The following GPR158 variants were observed in gnomAD, a reference collection of about 807,000 sequenced individuals.
GPR158 encodes G protein-coupled receptor 158.
In GPR158, 30 loss-of-function variants were observed where a neutral mutation model predicts 78.2. The ratio of observed to expected loss-of-function variants is 0.38; its 90% CI spans 0.29 to 0.52. The LOEUF is 0.52. GPR158 is among the 20% of genes least tolerant of loss of function. The pLI, the probability that GPR158 is intolerant of heterozygous loss-of-function variation, is 0.83. For missense variants in GPR158, 1,463 were observed against 1,523.5 expected (o/e 0.96, Z 0.66); for synonymous variants, 581 against 591.1 (o/e 0.98, Z 0.25).
chr10:25,261,622 C>G (rs1853969297), intron 2 of GPR158, among the ~76,000 whole-genome samples: 1 of 152,114 alleles, frequency 6.6e-6, no homozygotes, highest in Non-Finnish European at 1.5e-5. Flanking sequence ...TGGCTTAGCA[C>G]AGAAAATGAT....
intron 1 of GPR158, among the ~76,000 whole-genome samples, chr10:25,181,818 A>G (rs1188937713): frequency 1.3e-5 from 2 of 152,088 alleles, no homozygotes; most frequent in African/African-American, 2.4e-5. Flanking sequence ...CCCAGGCTCA[A>G]GTGATCCTCC....
At chr10:25,407,614 A>G (rs1026414745) in intron 3 of GPR158, among the ~76,000 whole-genome samples, 7 of 152,052 alleles carry the variant, frequency 4.6e-5, no homozygotes, top group African/African-American at 1.7e-4. Context: ...TTCTTGGTTA[A>G]TGGTAACTTT....
chr10:25,287,726 G>C (rs1005763110), intron 2 of GPR158, among the ~76,000 whole-genome samples: 1 of 151,984 alleles, frequency 6.6e-6, no homozygotes, highest in African/African-American at 2.4e-5. Context: ...TTAGATTTGG[G>C]GTTAGAGGTT....
chr10:25,594,423 T>C, intron 9 of GPR158, 26 bp downstream of exon 9: 1 of 1,020,860 alleles, frequency 9.8e-7, no homozygotes, highest in Non-Finnish European at 1.5e-6. Flanking sequence ...TACTTTTTTT[T>C]TTGCAAAACT....
At chr10:25,423,599 T>G (rs1394631444) in intron 4 of GPR158, among the ~76,000 whole-genome samples, 1 of 152,144 alleles carries the variant, frequency 6.6e-6, no homozygotes, top group Admixed American at 6.5e-5. Context: ...GGTGTTCTCA[T>G]TGTTCAATTC....
chr10:25,269,077 C>T (rs778751861), intron 2 of GPR158, among the ~76,000 whole-genome samples: 2 of 152,082 alleles, frequency 1.3e-5, no homozygotes, highest in Admixed American at 6.6e-5. Context: ...ATTTATATCT[C>T]AATACTCTGG....
intron 6 of GPR158, among the ~76,000 whole-genome samples, chr10:25,558,269 C>T (rs563673071): frequency 6.6e-6 from 1 of 152,202 alleles, no homozygotes; most frequent in Admixed American, 6.5e-5. Flanking sequence ...TATAAAAACC[C>T]ATCTGGTAAT....
At chr10:25,447,078 C>A (rs1835146659) in intron 4 of GPR158, among the ~76,000 whole-genome samples, 1 of 151,980 alleles carries the variant, frequency 6.6e-6, no homozygotes. Flanking sequence ...AATATATTGG[C>A]AATAATTCAC....
intron 2 of GPR158, among the ~76,000 whole-genome samples, chr10:25,357,132 A>C (rs1251363276): frequency 1.3e-5 from 2 of 152,100 alleles, no homozygotes; most frequent in African/African-American, 4.8e-5. Flanking sequence ...TTTGAACCTG[A>C]GAGAGATGAT....
chr10:25,448,127 C>T (rs1835162704), intron 4 of GPR158, among the ~76,000 whole-genome samples: 1 of 148,356 alleles, frequency 6.7e-6, no homozygotes, highest in South Asian at 2.1e-4. Flanking sequence ...TTCTGTCACC[C>T]AGGCTGGAGT....
At chr10:25,177,716 T>G (rs1371452983) in intron 1 of GPR158, among the ~76,000 whole-genome samples, 1 of 152,226 alleles carries the variant, frequency 6.6e-6, no homozygotes, top group Admixed American at 6.5e-5. Flanking sequence ...TATCAAGTTT[T>G]GTAGCTTTTA....
chr10:25,241,137 C>CTT (rs1554787102), intron 2 of GPR158, among the ~76,000 whole-genome samples: 3 of 63,314 alleles, frequency 4.7e-5, no homozygotes, highest in South Asian at 1.0e-3. Context: ...TTCTTTCTTT[C>CTT]TTTCTTTCTT....
chr10:25,263,337 CTG>C (rs1427404839), intron 2 of GPR158, among the ~76,000 whole-genome samples: 1 of 152,152 alleles, frequency 6.6e-6, no homozygotes, highest in Non-Finnish European at 1.5e-5. Context: ...GTTCAGTTGA[CTG>C]TATTTAGGTG....
At chr10:25,243,170 C>T (rs1339999) in intron 2 of GPR158, among the ~76,000 whole-genome samples, 12,360 of 152,300 alleles carry the variant, frequency 0.081, 690 homozygotes, top group East Asian at 0.26. Context: ...TTCTGTCATT[C>T]ACATACATCA....
chr10:25,546,058 G>C (rs905488110), intron 5 of GPR158, among the ~76,000 whole-genome samples: 4 of 152,130 alleles, frequency 2.6e-5, no homozygotes, highest in Non-Finnish European at 5.9e-5. Flanking sequence ...ATGCTGGAGA[G>C]AGTCATGAAT....
chr10:25,264,730 T>C (rs1854019252), intron 2 of GPR158, among the ~76,000 whole-genome samples: 1 of 152,184 alleles, frequency 6.6e-6, no homozygotes, highest in African/African-American at 2.4e-5. Context: ...TTCTTTACTT[T>C]GATTACTTTT....
intron 2 of GPR158, among the ~76,000 whole-genome samples, chr10:25,333,719 CTAAGTA>C (rs1245386352): frequency 6.6e-6 from 1 of 152,112 alleles, no homozygotes; most frequent in Non-Finnish European, 1.5e-5. Context: ...GACATATTAA[CTAAGTA>C]TATCAGCAGT....
chr10:25,193,291 G>T (rs536262779), intron 1 of GPR158, among the ~76,000 whole-genome samples: 68 of 152,156 alleles, frequency 4.5e-4, no homozygotes, highest in Non-Finnish European at 7.2e-4. Context: ...GCAGAGAATG[G>T]CTGAGGGGTA....
intron 6 of GPR158, among the ~76,000 whole-genome samples, chr10:25,564,638 C>A (rs950436819): frequency 6.6e-6 from 1 of 152,178 alleles, no homozygotes; most frequent in African/African-American, 2.4e-5. Context: ...TTGTGCTCCT[C>A]TAGTACTAGG....
Sources: gnomAD v4.1 joint callset for allele counts (sites outside exome capture counted in the v4.1 genomes callset) on GRCh38, gnomAD v4.1.1 for gene constraint, MANE v1.5 for transcripts, NCBI Gene and HGNC (gene_info 2026-07-23, HGNC 2026-07-21) for gene names.